The following PCDHGA6 variants were observed in gnomAD, a reference collection of about 807,000 sequenced individuals.
PCDHGA6 encodes protocadherin gamma subfamily A, 6.
Under a neutral mutation model 60.6 loss-of-function variants are expected in PCDHGA6, and 41 were observed. That is an observed-to-expected ratio of 0.68 (90% CI 0.53 to 0.88). The LOEUF (loss-of-function observed/expected upper bound fraction) is 0.88, where lower values mean the gene tolerates loss of function less well. Ranked by LOEUF, PCDHGA6 falls within the 40% of genes least tolerant of loss-of-function variation. PCDHGA6 has a pLI of 0.00. For missense variants in PCDHGA6, 1,312 were observed against 1,203.0 expected, an observed-to-expected ratio of 1.09 and a Z score of -1.34; for synonymous variants, 594 against 524.4, an observed-to-expected ratio of 1.13 and a Z score of -1.81.
At chr5:141,501,540 A>G (rs151047391) in intron 2 of PCDHGA6, among the ~76,000 whole-genome samples, 2 of 152,138 alleles carry the variant, frequency 1.3e-5, no homozygotes, top group East Asian at 3.9e-4. Flanking sequence ...GTTGTTGTGC[A>G]TAAGATCATA....
intron 1 of PCDHGA6, chr5:141,382,870 C>A (rs760530453): frequency 2.0e-6 from 3 of 1,519,788 alleles, no homozygotes; most frequent in East Asian, 4.5e-5. Flanking sequence ...TTCCCGAGAT[C>A]GGCGCCTAAG....
intron 2 of PCDHGA6, among the ~76,000 whole-genome samples, chr5:141,500,881 T>G (rs940387787): frequency 1.0e-5 from 1 of 99,136 alleles, no homozygotes; most frequent in Non-Finnish European, 1.9e-5. Context: ...TTTACAATTT[T>G]TTTTTTTTGA....
rs769607720 is a variant in PCDHGA6 at position 141,489,346 on chromosome 5, G to A, written c.2425-5461G>A. 4 of 1,611,652 alleles carry A rather than the reference G, an allele frequency of 2.5e-6. No individual in the cohort carries two copies. The highest frequency in any genetic ancestry group is 3.4e-6 in the Non-Finnish European group (4 of 1,178,446). On this transcript the variant is annotated intron_variant, in intron 1 of 3. Transcript: ENST00000517434. The surrounding 1 kb of genome is among the most constrained non-coding windows in gnomAD (Gnocchi z 4.5). Reference sequence around the variant, plus strand: ...GTCTGGGCAGCTTCGTTACTCAGTGGTGGAGGAGTCTGAGCCGGGGACGCT... The same window carrying A: ...GTCTGGGCAGCTTCGTTACTCAGTGATGGAGGAGTCTGAGCCGGGGACGCT...
intron 1 of PCDHGA6, chr5:141,433,358 C>CCCAT (rs1554125967): frequency 7.1e-5 from 36 of 503,934 alleles, no homozygotes; most frequent in African/African-American, 1.2e-4. Flanking sequence ...CTACTGTCTG[C>CCCAT]CTATCTATCT....
At chr5:141,389,603 C>T (rs1166074538) in intron 1 of PCDHGA6, 2 of 1,613,148 alleles carry the variant, frequency 1.2e-6, no homozygotes, top group Admixed American at 1.7e-5. Context: ...CTGCGCTCTT[C>T]GATATGGTGC....
chr5:141,410,789 A>G (rs1264282350), intron 1 of PCDHGA6: 13 of 794,352 alleles, frequency 1.6e-5, no homozygotes, highest in Non-Finnish European at 2.4e-5. Flanking sequence ...TATTTGGTTC[A>G]TAAGTTGCTC....
At chr5:141,397,279 G>A (rs1208403541) in intron 1 of PCDHGA6, among the ~76,000 whole-genome samples, 1 of 152,168 alleles carries the variant, frequency 6.6e-6, no homozygotes, top group East Asian at 1.9e-4. Context: ...CATATGGGCA[G>A]TATACTTGAA....
intron 1 of PCDHGA6, among the ~76,000 whole-genome samples, chr5:141,492,530 C>A (rs1595123138): frequency 1.3e-5 from 2 of 152,246 alleles, no homozygotes; most frequent in South Asian, 2.1e-4. Flanking sequence ...CCCACCTGCG[C>A]CCCGGGCTGG....
At chr5:141,389,355 G>C in intron 1 of PCDHGA6, 2 of 1,613,950 alleles carry the variant, frequency 1.2e-6, no homozygotes, top group Non-Finnish European at 1.7e-6. Flanking sequence ...CTGCATCATG[G>C]CCAGTGACCT....
Position 141,476,263 on chromosome 5 carries a change from C to T in PCDHGA6, c.2425-18544C>T. 1 of 1,613,940 alleles carries T rather than the reference C, an allele frequency of 6.2e-7. No individual in the cohort carries two copies. The highest frequency in any genetic ancestry group is 8.5e-7 in the Non-Finnish European group (1 of 1,180,010). Reference sequence around the variant, plus strand: ...GAGAGAAGGGTTTCGCTGTGGGCAACGTGGTCGCGAACCTTGGTTTGGATC... The same window carrying T: ...GAGAGAAGGGTTTCGCTGTGGGCAATGTGGTCGCGAACCTTGGTTTGGATC... On this transcript the variant is annotated intron_variant, in intron 1 of 3. Transcript: ENST00000517434. The surrounding 1 kb of genome is among the most constrained non-coding windows in gnomAD (Gnocchi z 7.6).
chr5:141,413,573 A>G (rs375156046), intron 1 of PCDHGA6: 12 of 1,613,768 alleles, frequency 7.4e-6, no homozygotes, highest in South Asian at 4.4e-5. Context: ...ATCAATGACA[A>G]TGCTCCAAAA....
intron 1 of PCDHGA6, among the ~76,000 whole-genome samples, chr5:141,474,970 A>C (rs1309289477): frequency 6.6e-6 from 1 of 152,212 alleles, no homozygotes; most frequent in Admixed American, 6.5e-5. Context: ...TAATCATTAT[A>C]ATTTTGTTTG....
At chr5:141,414,198 A>G (rs1561747621) in intron 1 of PCDHGA6, 2 of 1,611,542 alleles carry the variant, frequency 1.2e-6, no homozygotes, top group Non-Finnish European at 1.7e-6. Flanking sequence ...TGATTACAGT[A>G]GAAGATGTAA....
intron 1 of PCDHGA6, among the ~76,000 whole-genome samples, chr5:141,382,084 C>A (rs1777939232): frequency 6.6e-6 from 1 of 152,102 alleles, no homozygotes; most frequent in South Asian, 2.1e-4. Flanking sequence ...CCGCCTCGGC[C>A]TCACAAAGTG....
At chr5:141,472,994 A>AAAG (rs2099310386) in intron 1 of PCDHGA6, among the ~76,000 whole-genome samples, 1 of 151,692 alleles carries the variant, frequency 6.6e-6, no homozygotes, top group Non-Finnish European at 1.5e-5. Flanking sequence ...AAAAAAAAAA[A>AAAG]AAAGAAAGAA....
chr5:141,413,909 T>A (rs772084941), intron 1 of PCDHGA6: 1 of 1,613,316 alleles, frequency 6.2e-7, no homozygotes. Flanking sequence ...AACGCGCCGG[T>A]CTTCACCTTG....
In PCDHGA6 at chr5:141,490,584, T is replaced by C; in HGVS notation, c.2425-4223T>C. The stretch of plus-strand genomic sequence containing the variant: ...TCAGGCTCAACATTTCAGATGTCAA[T>C]GACAATGCACCCCGCTTCAACCAGC... On this transcript the variant is annotated intron_variant, in intron 1 of 3. Coordinates refer to ENST00000517434, the MANE Select transcript of PCDHGA6 (RefSeq NM_018919.3). The surrounding 1 kb of genome is among the most constrained non-coding windows in gnomAD (Gnocchi z 5.4). 6.2e-7 allele frequency: 1 copy of C among 1,614,170 alleles called. No individual in the cohort carries two copies. Among genetic ancestry groups the C allele is most frequent in the South Asian group, 1.1e-5 (1 of 91,080 alleles).
intron 3 of PCDHGA6, among the ~76,000 whole-genome samples, chr5:141,509,381 C>T (rs181928019): frequency 6.6e-6 from 1 of 152,256 alleles, no homozygotes; most frequent in East Asian, 1.9e-4. Flanking sequence ...TGTCTCCTAA[C>T]CACAGAGGAT....
At chr5:141,417,602 C>T (rs556223277) in intron 1 of PCDHGA6, 2 of 510,170 alleles carry the variant, frequency 3.9e-6, no homozygotes, top group Admixed American at 3.8e-5. Context: ...TGGGCGCCGC[C>T]GTCGGCCAGT....
Sources: gnomAD v4.1 joint callset for allele counts (sites outside exome capture counted in the v4.1 genomes callset) on GRCh38, gnomAD v4.1.1 for gene constraint, Gnocchi (gnomAD v3.1) non-coding constraint, MANE v1.5 for transcripts, NCBI Gene and HGNC (gene_info 2026-07-23, HGNC 2026-07-21) for gene names.